RPIA: variants seen among roughly 807,000 people sequenced by gnomAD.
RPIA encodes ribose 5-phosphate isomerase A.
A neutral mutation model predicts 37.8 loss-of-function variants in RPIA; 29 were observed. That is an observed-to-expected ratio of 0.77 (90% CI 0.57 to 1.05). The LOEUF is 1.05. Among genes scored for constraint, RPIA ranks in the 50% least tolerant of loss-of-function variants. The pLI, the probability that RPIA is intolerant of heterozygous loss-of-function variation, is 0.00. For missense variants in RPIA, 385 were observed against 413.6 expected (o/e 0.93, Z 0.60); for synonymous variants, 167 against 157.0 (o/e 1.06, Z -0.48).
intron 3 of RPIA, among the ~76,000 whole-genome samples, chr2:88,715,023 T>TA (rs1418493559): frequency 3.9e-5 from 6 of 152,262 alleles, no homozygotes; most frequent in Non-Finnish European, 2.9e-5. Context: ...CTCTTTTTTT[T>TA]ACTCCTACTG....
chr2:88,705,455 G>C (rs1672886008), intron 3 of RPIA, among the ~76,000 whole-genome samples: 1 of 152,126 alleles, frequency 6.6e-6, no homozygotes, highest in African/African-American at 2.4e-5. Flanking sequence ...AAAAGCGATG[G>C]GGAAAGGAAT....
chr2:88,728,926 T>C (rs1673230434), intron 3 of RPIA, among the ~76,000 whole-genome samples: 2 of 152,232 alleles, frequency 1.3e-5, no homozygotes, highest in African/African-American at 4.8e-5. Flanking sequence ...AAAACCTTTG[T>C]AGTAAGTTGT....
intron 1 of RPIA, among the ~76,000 whole-genome samples, chr2:88,694,293 G>T (rs559038575): frequency 9.2e-5 from 14 of 152,316 alleles, no homozygotes; most frequent in African/African-American, 3.4e-4. Flanking sequence ...TTTAGGTCTG[G>T]CAGGGCCTTG....
At chr2:88,746,944 A>G (rs1051919964) in intron 8 of RPIA, among the ~76,000 whole-genome samples, 1 of 152,114 alleles carries the variant, frequency 6.6e-6, no homozygotes, top group Non-Finnish European at 1.5e-5. Context: ...TAGGGGGGAT[A>G]CAAGCTTGTC....
At chr2:88,735,618 C>A (rs1428368358) in intron 5 of RPIA, 51 bp from the exon 6 acceptor site, 8 of 1,558,348 alleles carry the variant, frequency 5.1e-6, no homozygotes, top group Non-Finnish European at 7.1e-6. Context: ...CCTTAGTTCC[C>A]AAACTGAGAT....
chr2:88,724,553 C>T (rs1166089101), intron 3 of RPIA, among the ~76,000 whole-genome samples: 1 of 152,116 alleles, frequency 6.6e-6, no homozygotes, highest in Non-Finnish European at 1.5e-5. Context: ...AGGTGATCTG[C>T]CCACCTCGGC....
At chr2:88,735,770 G>A (rs763592040) in intron 6 of RPIA, 33 bp downstream of exon 6, 47 of 1,605,982 alleles carry the variant, frequency 2.9e-5, no homozygotes, top group Non-Finnish European at 3.8e-5. Context: ...TGCCAACTGA[G>A]GAGGTAGATT....
chr2:88,734,532 T>C lies in RPIA; in HGVS notation c.463-20T>C. ...CTCCCCTCGAGTGGTTTTTGTATCT[T>C]TACCTTTCCCCCAATACAGATCGAC... On this transcript the variant is annotated intron_variant, in intron 4 of 8. Transcript: ENST00000283646. 1.2e-6 allele frequency: 2 copies of C among 1,614,032 alleles called. No individual in the cohort carries two copies. The highest frequency in any genetic ancestry group is 2.2e-5 in the South Asian group (2 of 91,086).
At chr2:88,747,036 T>C (rs1673446002) in intron 8 of RPIA, among the ~76,000 whole-genome samples, 1 of 152,092 alleles carries the variant, frequency 6.6e-6, no homozygotes. Context: ...TCTTTTGTCT[T>C]TGGCTACCAG....
chr2:88,729,290 A>T lies in RPIA; in HGVS notation c.415A>T (p.Ile139Phe), dbSNP rs768474586. 1 of 1,614,006 alleles carries T rather than the reference A, an allele frequency of 6.2e-7. No individual in the cohort carries two copies. Among genetic ancestry groups the T allele is most frequent in the Admixed American group, 1.7e-5 (1 of 60,032 alleles). Residue 139 changes from isoleucine to phenylalanine, a missense_variant, in exon 4 of 9, where the codon ATC becomes TTC. Transcript: ENST00000283646. ...CTGTCCTCCGCAGGCCCGCCAGCTCATCCTGCAGTATGGCTTGACCCTCAG... is the reference window on the plus strand; with the variant it reads ...CTGTCCTCCGCAGGCCCGCCAGCTCTTCCTGCAGTATGGCTTGACCCTCAG... ...IPTSFQARQL[I>F]LQYGLTLSDL... is the part of the protein sequence containing the mutation.
At chr2:88,692,292 C>T (rs1437657510) in intron 1 of RPIA, among the ~76,000 whole-genome samples, 1 of 152,228 alleles carries the variant, frequency 6.6e-6, no homozygotes, top group East Asian at 1.9e-4. Flanking sequence ...GCTAGAGGCA[C>T]TTGCCTTGTG....
chr2:88,741,184 A>G (rs1302758738), intron 8 of RPIA, among the ~76,000 whole-genome samples: 3 of 152,134 alleles, frequency 2.0e-5, no homozygotes, highest in Non-Finnish European at 2.9e-5. Flanking sequence ...ACTGTACCCA[A>G]TGCATAGTCT....
At chr2:88,746,485 A>G (rs1351553356) in intron 8 of RPIA, among the ~76,000 whole-genome samples, 2 of 152,162 alleles carry the variant, frequency 1.3e-5, no homozygotes, top group Non-Finnish European at 2.9e-5. Flanking sequence ...GCCTTCCCCT[A>G]AGGATGAGGA....
At chr2:88,706,285 C>T (rs914211090) in intron 3 of RPIA, among the ~76,000 whole-genome samples, 2 of 151,998 alleles carry the variant, frequency 1.3e-5, no homozygotes, top group African/African-American at 4.8e-5. Context: ...TTCATAATAT[C>T]GAAGACATGG....
chr2:88,717,940 T>G (rs1673056268), intron 3 of RPIA, among the ~76,000 whole-genome samples: 1 of 152,172 alleles, frequency 6.6e-6, no homozygotes. Flanking sequence ...GTCCATACAT[T>G]AGTAGACAGG....
chr2:88,716,315 CAT>C (rs1673036338), intron 3 of RPIA, among the ~76,000 whole-genome samples: 1 of 152,176 alleles, frequency 6.6e-6, no homozygotes, highest in South Asian at 2.1e-4. Flanking sequence ...ATTGATGTCT[CAT>C]GTCTCCCTAA....
chr2:88,704,197 C>G (rs1372454474), intron 3 of RPIA, among the ~76,000 whole-genome samples: 1 of 152,218 alleles, frequency 6.6e-6, no homozygotes, highest in Non-Finnish European at 1.5e-5. Context: ...GTTCTAAAGT[C>G]ACTTCCATAT....
chr2:88,736,714 A>G lies in RPIA; in HGVS notation c.738+38A>G, dbSNP rs372858745. 1.2e-4 allele frequency: 193 copies of G among 1,592,242 alleles called. 1 individual carries two copies. In the African/African-American group the frequency reaches 2.1e-3, roughly 18 times the overall value. ...GTTGGGCCGGGGGTGTGCTGGGTGC[A>G]CTCAGGTTTTCAGTGTGGTGTCCTC... On this transcript the variant is annotated intron_variant, in intron 7 of 8. Transcript: ENST00000283646.
In RPIA at chr2:88,735,641, C is replaced by G. The variant is rs376034379; in HGVS notation, c.528-28C>G. 2.5e-6 allele frequency: 4 copies of G among 1,611,268 alleles called. No individual in the cohort carries two copies. The African/African-American group carries it at 4.0e-5, about 16-fold the overall frequency. ...CCCAAACTGAGATTTTTGTCTTACT[C>G]CTGTGTTCCTTTGCTTCTTTCCTGC... On this transcript the variant is annotated intron_variant, in intron 5 of 8. Coordinates refer to ENST00000283646, the MANE Select transcript of RPIA (RefSeq NM_144563.3).
Sources: gnomAD v4.1 joint callset for allele counts (sites outside exome capture counted in the v4.1 genomes callset) on GRCh38, gnomAD v4.1.1 for gene constraint, MANE v1.5 for transcripts, NCBI Gene and HGNC (gene_info 2026-07-23, HGNC 2026-07-21) for gene names.